NDUFB5: variants seen among roughly 807,000 people sequenced by gnomAD.
The protein encoded by NDUFB5 is NADH dehydrogenase [ubiquinone] 1 beta subcomplex subunit 5, mitochondrial.
NDUFB5 carries 19 observed loss-of-function variants against 19.4 expected under a neutral mutation model. The observed-to-expected ratio is 0.98, with a 90% confidence interval of 0.68 to 1.43. The LOEUF is 1.43. Among genes scored for constraint, NDUFB5 ranks in the 40% most tolerant of loss-of-function variants. The probability of loss-of-function intolerance (pLI) is 0.00; values close to 1 mark genes in which losing one functional copy is unlikely to be tolerated. For missense variants in NDUFB5, 233 were observed against 236.5 expected, an observed-to-expected ratio of 0.99 and a Z score of 0.10; for synonymous variants, 80 against 82.6, an observed-to-expected ratio of 0.97 and a Z score of 0.17.
At chr3:179,605,662 A>G (rs552978911) in intron 1 of NDUFB5, among the ~76,000 whole-genome samples, 1 of 152,222 alleles carries the variant, frequency 6.6e-6, no homozygotes, top group East Asian at 1.9e-4. Context: ...GTTTATGAAT[A>G]TGATAACGAA....
At chr3:179,611,123 TTG>T (rs1298668872) in intron 1 of NDUFB5, among the ~76,000 whole-genome samples, 1 of 152,128 alleles carries the variant, frequency 6.6e-6, no homozygotes, top group Non-Finnish European at 1.5e-5. Context: ...TCATTTGATT[TTG>T]TAGGCAACAG....
chr3:179,619,491 G>A (rs1443258122), intron 5 of NDUFB5, among the ~76,000 whole-genome samples: 1 of 151,936 alleles, frequency 6.6e-6, no homozygotes, highest in Non-Finnish European at 1.5e-5. Context: ...AAGAATGATG[G>A]TTTCCAGCTT....
chr3:179,621,978 C>CT (rs1246306613), intron 5 of NDUFB5, among the ~76,000 whole-genome samples: 2 of 151,726 alleles, frequency 1.3e-5, no homozygotes, highest in Admixed American at 6.6e-5. Flanking sequence ...TCTTCCTTTT[C>CT]TTTTTTTGAG....
chr3:179,615,762 A>G, intron 2 of NDUFB5: 1 of 586,752 alleles, frequency 1.7e-6, no homozygotes, highest in Non-Finnish European at 3.0e-6. Flanking sequence ...AGTGGTAGAA[A>G]TCACCCTGAT....
intron 5 of NDUFB5, among the ~76,000 whole-genome samples, chr3:179,621,374 G>T (rs1719531128): frequency 6.6e-6 from 1 of 152,078 alleles, no homozygotes; most frequent in African/African-American, 2.4e-5. Context: ...ACTGCACCTG[G>T]CTATGTGTAT....
At chr3:179,604,977 T>C in intron 1 of NDUFB5, 38 bp downstream of exon 1, 1 of 1,513,518 alleles carries the variant, frequency 6.6e-7, no homozygotes, top group African/African-American at 1.4e-5. Context: ...GTGAAGCGGG[T>C]GCGGGGCGAG....
At chr3:179,609,085 T>C (rs1259421118) in intron 1 of NDUFB5, among the ~76,000 whole-genome samples, 2 of 152,226 alleles carry the variant, frequency 1.3e-5, no homozygotes, top group African/African-American at 2.4e-5. Context: ...ACCTGCTGTA[T>C]GTGGTTTCAC....
chr3:179,614,513 A>G (rs1165621776), intron 1 of NDUFB5, among the ~76,000 whole-genome samples: 1 of 152,202 alleles, frequency 6.6e-6, no homozygotes, highest in Non-Finnish European at 1.5e-5. Flanking sequence ...CTTTTGCAGC[A>G]TTAGCAAATA....
intron 2 of NDUFB5, 184 bp downstream of exon 2, chr3:179,615,243 G>A (rs947288839): frequency 1.0e-5 from 4 of 384,160 alleles, no homozygotes; most frequent in Admixed American, 7.5e-5. Flanking sequence ...AATTAGTGAA[G>A]CTTTCCTTCT....
intron 5 of NDUFB5, 67 bp downstream of exon 5, chr3:179,618,588 T>A: frequency 9.7e-7 from 1 of 1,027,788 alleles, no homozygotes; most frequent in Non-Finnish European, 1.5e-6. Context: ...CAGAAAAAAT[T>A]AATAAAACTA....
At chr3:179,615,106 GA>G in intron 2 of NDUFB5, 47 bp downstream of exon 2, 3 of 1,294,964 alleles carry the variant, frequency 2.3e-6, no homozygotes, top group Non-Finnish European at 2.2e-6. Context: ...ATGTAACAGG[GA>G]AAAAATTTTT....
chr3:179,613,270 C>T (rs1719294453), intron 1 of NDUFB5, among the ~76,000 whole-genome samples: 1 of 152,166 alleles, frequency 6.6e-6, no homozygotes, highest in Non-Finnish European at 1.5e-5. Context: ...TGCTTACAGT[C>T]AATCAAGTAC....
chr3:179,614,794 C>T, intron 1 of NDUFB5, 177 bp from the exon 2 acceptor site: 1 of 385,670 alleles, frequency 2.6e-6, no homozygotes, highest in Non-Finnish European at 4.7e-6. Flanking sequence ...GGTAATGTGC[C>T]TACCTCATAA....
rs1719158970 is a variant in NDUFB5 at position 179,608,394 on chromosome 3, T to C, written c.124+3455T>C. On this transcript the variant is annotated intron_variant, in intron 1 of 5. Transcript: ENST00000259037. ...TTTTAGTAGAGATGGGTTTTCACCA[T>C]GTTGGCCAGGCTGGTCTTGAACTCC... 2.0e-5 allele frequency among the ~76,000 whole-genome samples: 3 copies of C among 152,248 alleles called. No individual in the cohort carries two copies. The South Asian group carries it at 6.2e-4, about 32-fold the overall frequency.
At chr3:179,605,091 A>T in intron 1 of NDUFB5, 152 bp downstream of exon 1, 1 of 1,197,930 alleles carries the variant, frequency 8.3e-7, no homozygotes, top group Non-Finnish European at 1.1e-6. Flanking sequence ...GAGCTATATG[A>T]GGGGTTTTCC....
intron 1 of NDUFB5, 113 bp from the exon 2 acceptor site, chr3:179,614,858 G>A (rs1368933977): frequency 2.0e-5 from 14 of 707,634 alleles, no homozygotes; most frequent in Non-Finnish European, 8.8e-6. Context: ...CAGTCATCCT[G>A]CTTATGAGCT....
chr3:179,606,320 T>TA (rs1283431205), intron 1 of NDUFB5, among the ~76,000 whole-genome samples: 1 of 152,174 alleles, frequency 6.6e-6, no homozygotes, highest in Non-Finnish European at 1.5e-5. Flanking sequence ...GAGCACCTGT[T>TA]ACGTGTCAAG....
rs185587490 is a variant in NDUFB5, at chr3:179,625,440, T to C, written c.*1400T>C. ...TCAACAAATAACTTTATTATTTTTA[T>C]TGATAATGTACTTGTAATGTGCTAT... On this transcript the variant is annotated 3_prime_UTR_variant, in exon 6 of 6. Coordinates refer to ENST00000259037, the MANE Select transcript of NDUFB5 (RefSeq NM_002492.4). The C allele has an allele frequency of 2.0e-5, 3 of 152,308 alleles. No individual in the cohort carries two copies. In the East Asian group the frequency reaches 5.8e-4, roughly 29 times the overall value. 9.4% of individuals were successfully genotyped at this position (152,308 alleles called of 1,614,324 possible). A position where few individuals can be genotyped will look rare whatever the true frequency, so the allele number is the denominator to read the frequency against.
At chr3:179,610,782 G>A (rs536933819) in intron 1 of NDUFB5, among the ~76,000 whole-genome samples, 1 of 152,234 alleles carries the variant, frequency 6.6e-6, no homozygotes, top group South Asian at 2.1e-4. Context: ...TTCCAGAAAT[G>A]AGCTAAGTTC....
Sources: gnomAD v4.1 joint callset for allele counts (sites outside exome capture counted in the v4.1 genomes callset) on GRCh38, gnomAD v4.1.1 for gene constraint, MANE v1.5 for transcripts, NCBI Gene and HGNC (gene_info 2026-07-23, HGNC 2026-07-21) for gene names.